The following PCNX3 variants were observed in gnomAD, a reference collection of about 807,000 sequenced individuals.
The protein encoded by PCNX3 is pecanex-like protein 3.
In PCNX3, 58 loss-of-function variants were observed where a neutral mutation model predicts 207.2. That is an observed-to-expected ratio of 0.28 (90% CI 0.23 to 0.35). PCNX3 has a LOEUF of 0.35. PCNX3 is among the 10% of genes least tolerant of loss of function. The pLI is 1.00. For missense variants in PCNX3, 2,410 were observed against 2,774.4 expected (o/e 0.87, Z 2.95); for synonymous variants, 1,337 against 1,183.5 (o/e 1.13, Z -2.66).
chr11:65,616,162 C>A lies in PCNX3; in HGVS notation c.-150C>A. On this transcript the variant is annotated 5_prime_UTR_variant, in exon 1 of 35. Transcript: ENST00000355703. Reference sequence around the variant, plus strand: ...GCCCCGCCCCCTGCTCGCACCCTCGCGCGGCCGAGCCCCCCTCCCCCGCTG... The same window carrying A: ...GCCCCGCCCCCTGCTCGCACCCTCGAGCGGCCGAGCCCCCCTCCCCCGCTG... 1 of 501,884 alleles carries A rather than the reference C, an allele frequency of 2.0e-6. No individual in the cohort carries two copies. Among genetic ancestry groups the A allele is most frequent in the Non-Finnish European group, 3.1e-6 (1 of 319,156 alleles). The allele number at this position is 501,884 out of a possible 1,614,324, so 31.1% of individuals were successfully genotyped here.
intron 6 of PCNX3, among the ~76,000 whole-genome samples, 185 bp downstream of exon 6, chr11:65,619,252 C>T (rs1340849015): frequency 6.6e-6 from 1 of 152,160 alleles, no homozygotes; most frequent in Non-Finnish European, 1.5e-5. Context: ...GCTCAGCCAC[C>T]TGGCTCCACA....
Position 65,625,901 on chromosome 11 carries a change from C to T in PCNX3, c.3229-3C>T, listed in dbSNP as rs751051177. On this transcript the variant is annotated splice_polypyrimidine_tract_variant and splice_region_variant and intron_variant, in intron 19 of 34. Coordinates refer to ENST00000355703, the MANE Select transcript of PCNX3 (RefSeq NM_032223.4). The surrounding 1 kb of genome is among the most constrained non-coding windows in gnomAD (Gnocchi z 5.6). ...CTGAGTCTCTGGCCTCTCCCTCCTG[C>T]AGTCGGTGCTGGGTTTCGTGTTGTA... The T allele has an allele frequency of 1.9e-6, 3 of 1,611,936 alleles. No homozygotes were observed. The South Asian group carries it at 3.3e-5, about 18-fold the overall frequency.
intron 5 of PCNX3, 35 bp from the exon 6 acceptor site, chr11:65,617,905 C>T (rs771652603): frequency 8.4e-6 from 13 of 1,543,622 alleles, no homozygotes; most frequent in South Asian, 1.2e-5. Flanking sequence ...GCAGAAAACC[C>T]TTTTTTCATT....
chr11:65,616,761 G>A lies in PCNX3; in HGVS notation c.154-63G>A, dbSNP rs1013657314. ...TGTGAATCCCAGCTATGATGTTGATGGCAGGTACATCCTGTGGGGGCGAGG... is the reference window on the plus strand; with the variant it reads ...TGTGAATCCCAGCTATGATGTTGATAGCAGGTACATCCTGTGGGGGCGAGG... On this transcript the variant is annotated intron_variant, in intron 1 of 34. Coordinates refer to ENST00000355703, the MANE Select transcript of PCNX3 (RefSeq NM_032223.4). 8 of 1,528,886 alleles carry A rather than the reference G, an allele frequency of 5.2e-6. No homozygotes were observed. The African/African-American group carries it at 8.2e-5, about 16-fold the overall frequency. The allele number at this position is 1,528,886 out of a possible 1,614,324, so 94.7% of individuals were successfully genotyped here.
rs1381496286 is a variant in PCNX3 at position 65,616,242 on chromosome 11, CG to C, written c.-66del. On this transcript the variant is annotated 5_prime_UTR_variant, in exon 1 of 35. Transcript: ENST00000355703. ...GGCCCCGGGGCCCTCAGGCGCCAGACGGGGCATGGGCCGGGGGCCGCCCCCA... is the reference window on the plus strand; with the variant it reads ...GGCCCCGGGGCCCTCAGGCGCCAGACGGGCATGGGCCGGGGGCCGCCCCCA... 13 of 1,281,338 alleles carry C rather than the reference CG, an allele frequency of 1.0e-5. No individual in the cohort carries two copies. Among genetic ancestry groups the C allele is most frequent in the African/African-American group, 1.6e-5 (1 of 63,448 alleles). 79.4% of individuals were successfully genotyped at this position (1,281,338 alleles called of 1,614,324 possible). A position where few individuals can be genotyped will look rare whatever the true frequency, so the allele number is the denominator to read the frequency against.
Position 65,627,468 on chromosome 11 carries a change from C to A in PCNX3, c.3588C>A (p.Pro1196=), listed in dbSNP as rs371471793. ...TGCTGCGCTCAGCCTTCTGCTGCCCCCCACAGCAGTACCTGACGTTGGCCT... is the reference window on the plus strand; with the variant it reads ...TGCTGCGCTCAGCCTTCTGCTGCCCACCACAGCAGTACCTGACGTTGGCCT... ...LKLLRSAFCC[P]PQQYLTLAFT... is the part of the protein sequence containing the mutation. The change falls in exon 22 of 35, where the codon CCC becomes CCA. Residue 1196 remains proline (P), a synonymous_variant. Transcript: ENST00000355703. The A allele has an allele frequency of 1.4e-5, 23 of 1,613,518 alleles. No individual in the cohort carries two copies. In the Admixed American group the frequency reaches 2.3e-4, roughly 16 times the overall value.
At chr11:65,633,418 C>T (rs1042689681) in intron 27 of PCNX3, among the ~76,000 whole-genome samples, 3 of 152,126 alleles carry the variant, frequency 2.0e-5, no homozygotes, top group African/African-American at 7.2e-5. Context: ...GACCCAGGCA[C>T]TCTGAGGCAG....
rs376097766 is a variant in PCNX3 at position 65,636,759 on chromosome 11, C to A, written c.5893-7C>A. ...GCTCACCCGCCAACCTCTCCCCCCTCCCCCAGGCGCCTCTAGACCTCAGCC... is the reference window on the plus strand; with the variant it reads ...GCTCACCCGCCAACCTCTCCCCCCTACCCCAGGCGCCTCTAGACCTCAGCC... On this transcript the variant is annotated splice_region_variant and splice_polypyrimidine_tract_variant and intron_variant, in intron 34 of 34. Coordinates refer to ENST00000355703, the MANE Select transcript of PCNX3 (RefSeq NM_032223.4). 5.8e-6 allele frequency: 9 copies of A among 1,545,626 alleles called. No homozygotes were observed. The highest frequency in any genetic ancestry group is 7.9e-6 in the Non-Finnish European group (9 of 1,144,126).
Position 65,626,939 on chromosome 11 carries a change from G to T in PCNX3, c.3415G>T (p.Ala1139Ser), listed in dbSNP as rs758269570. The change falls in exon 21 of 35, where the codon GCT becomes TCT. Residue 1139 changes from alanine to serine, a missense_variant. By Grantham distance (99) the Ala-to-Ser change is moderately conservative. Around this residue, in one of 8 missense-constraint regions of PCNX3, gnomAD observed 333 missense variants for 386.8 expected, o/e 0.86. Coordinates refer to ENST00000355703, the MANE Select transcript of PCNX3 (RefSeq NM_032223.4). ...GGTGATGTGGTTTGAGAAGCTGTATGCTGGCCTGCAGTGCGTAGAGAAGTA... is the reference window on the plus strand; with the variant it reads ...GGTGATGTGGTTTGAGAAGCTGTATTCTGGCCTGCAGTGCGTAGAGAAGTA... Reference protein sequence around the residue: ...AQVMWFEKLYAGLQCVEKYLI... With the variant: ...AQVMWFEKLYSGLQCVEKYLI... 6.3e-7 allele frequency: 1 copy of T among 1,583,444 alleles called. No homozygotes were observed. The highest frequency in any genetic ancestry group is 1.2e-5 in the South Asian group (1 of 86,412).
At position 65,618,549 on chromosome 11, in the gene PCNX3, C is replaced by T. The variant is rs761586110; in HGVS notation, c.1187C>T (p.Pro396Leu). Residue 396 changes from proline (P) to leucine (L), a missense_variant, in exon 6 of 35, where the codon CCA (proline) becomes CTA (leucine). Physicochemically the swap from Pro to Leu is moderately conservative, Grantham distance 98. Transcript: ENST00000355703. Reference protein sequence around the residue: ...LALLRPSKRQPPLRRHSPPGR... With the variant: ...LALLRPSKRQLPLRRHSPPGR... ...CTGCTACGGCCTAGCAAACGGCAGC[C>T]ACCCCTGCGAAGACACTCTCCACCT... is the stretch of plus-strand genomic sequence containing the variant. 37 of 1,611,212 alleles carry T rather than the reference C, an allele frequency of 2.3e-5. No homozygotes were observed. The Admixed American group carries it at 5.5e-4, about 24-fold the overall frequency.
chr11:65,625,971 C>T lies in PCNX3; in HGVS notation c.3296C>T (p.Pro1099Leu). The stretch of plus-strand genomic sequence containing the variant: ...GGCTTCTTCACACATTACCTGCTGC[C>T]ACAACTCCGCAAACAGCTGCCCTGG... Reference protein sequence around the residue: ...AVGFFTHYLLPQLRKQLPWFC... With the variant: ...AVGFFTHYLLLQLRKQLPWFC... Residue 1099 changes from proline (P) to leucine (L), a missense_variant, in exon 20 of 35, where the codon CCA becomes CTA. This residue lies in a region of PCNX3 where 333 missense variants were observed against 386.8 expected (regional missense o/e 0.86). Transcript: ENST00000355703. The surrounding 1 kb of genome is among the most constrained non-coding windows in gnomAD (Gnocchi z 5.6). The T allele has an allele frequency of 6.2e-7, 1 of 1,613,882 alleles. No individual in the cohort carries two copies. The highest frequency in any genetic ancestry group is 8.5e-7 in the Non-Finnish European group (1 of 1,179,880).
At position 65,616,477 on chromosome 11, in the gene PCNX3, G is replaced by C; in HGVS notation, c.153+13G>C. Reference sequence around the variant, plus strand: ...CTTACTGTACATGGTGAGACGCCACGGCCACCTGTAACTCCAGCCGGGAGA... The same window carrying C: ...CTTACTGTACATGGTGAGACGCCACCGCCACCTGTAACTCCAGCCGGGAGA... On this transcript the variant is annotated intron_variant, in intron 1 of 34. Transcript: ENST00000355703. 3.8e-6 allele frequency: 6 copies of C among 1,597,512 alleles called. No homozygotes were observed. Among genetic ancestry groups the C allele is most frequent in the Non-Finnish European group, 5.1e-6 (6 of 1,174,914 alleles).
intron 13 of PCNX3, 66 bp downstream of exon 13, chr11:65,624,027 G>A (rs1855249926): frequency 6.2e-7 from 1 of 1,600,454 alleles, no homozygotes; most frequent in Non-Finnish European, 8.5e-7. Context: ...CAGGTGGGGA[G>A]GAGGGTAGGG....
rs903893943 is a variant in PCNX3, at chr11:65,634,116, C to T, written c.4471-10C>T. The T allele has an allele frequency of 6.2e-7, 1 of 1,607,776 alleles. No individual in the cohort carries two copies. Among genetic ancestry groups the T allele is most frequent in the Non-Finnish European group, 8.5e-7 (1 of 1,178,176 alleles). On this transcript the variant is annotated splice_polypyrimidine_tract_variant and intron_variant, in intron 27 of 34. Transcript: ENST00000355703. ...GGACCCCGGCCTGACGCCTGCCCCT[C>T]CTCTCCCAGAGCATCATCTACTACG...
rs1169272941 is a variant in PCNX3 at position 65,627,001 on chromosome 11, G to A, written c.3477G>A (p.Thr1159=). 8.4e-6 allele frequency: 13 copies of A among 1,548,468 alleles called. No homozygotes were observed. The highest frequency in any genetic ancestry group is 1.7e-4 in the Middle Eastern group (1 of 5,958). The part of the protein sequence containing the change: ...IYPAVVLNAL[T]VDAHTVVSHP... ...CCGCCGTGGTGCTCAACGCCCTCACGGTGGACGCCCACACAGTCGTCAGCC... is the reference window on the plus strand; with the variant it reads ...CCGCCGTGGTGCTCAACGCCCTCACAGTGGACGCCCACACAGTCGTCAGCC... Residue 1159 remains threonine, a synonymous_variant, in exon 21 of 35, where the codon ACG becomes ACA. Transcript: ENST00000355703.
chr11:65,623,775 C>G, intron 12 of PCNX3, 131 bp downstream of exon 12: 1 of 1,518,854 alleles, frequency 6.6e-7, no homozygotes, highest in Non-Finnish European at 9.0e-7. Context: ...AGCTGGCCAG[C>G]TCTTTTACAA....
intron 26 of PCNX3, 76 bp from the exon 27 acceptor site, chr11:65,630,275 A>G: frequency 2.0e-6 from 3 of 1,532,326 alleles, no homozygotes; most frequent in Non-Finnish European, 2.6e-6. Flanking sequence ...CTCTGATGCC[A>G]TGTTGGTCAC....
intron 1 of PCNX3, 82 bp downstream of exon 1, chr11:65,616,546 T>C (rs962583623): frequency 1.7e-5 from 25 of 1,445,982 alleles, no homozygotes; most frequent in Non-Finnish European, 2.0e-5. Context: ...CCCTGGGCTC[T>C]GGGACGTGGA....
intron 21 of PCNX3, 95 bp from the exon 22 acceptor site, chr11:65,627,310 G>T: frequency 1.5e-6 from 2 of 1,358,946 alleles, no homozygotes; most frequent in Non-Finnish European, 9.9e-7. Context: ...AGAGGCCAGG[G>T]GTTGCTCTCC....
Sources: gnomAD v4.1 joint callset for allele counts (sites outside exome capture counted in the v4.1 genomes callset) on GRCh38, gnomAD v4.1.1 for gene constraint, gnomAD v4.1.1 regional missense constraint, Gnocchi (gnomAD v3.1) non-coding constraint, MANE v1.5 for transcripts, NCBI Gene and HGNC (gene_info 2026-07-23, HGNC 2026-07-21) for gene names.